Variants in ZFPM2 observed in about 807,000 individuals in gnomAD.
The protein encoded by ZFPM2 is zinc finger protein ZFPM2.
In ZFPM2, 20 loss-of-function variants were observed where a neutral mutation model predicts 98.6. The observed-to-expected ratio is 0.20, with a 90% CI of 0.14 to 0.29. The LOEUF is 0.29. Ranked by LOEUF, ZFPM2 falls within the 10% of genes least tolerant of loss-of-function variation. The pLI, the probability that ZFPM2 is intolerant of heterozygous loss-of-function variation, is 1.00. For synonymous variants in ZFPM2, 518 were observed against 502.7 expected (o/e 1.03, Z -0.41); for missense variants, 1,310 against 1,388.6 (o/e 0.94, Z 0.90).
At chr8:105,719,971 G>A (rs999456844) in intron 5 of ZFPM2, among the ~76,000 whole-genome samples, 1 of 151,872 alleles carries the variant, frequency 6.6e-6, no homozygotes, top group East Asian at 1.9e-4. Flanking sequence ...AGAAATAATG[G>A]TATCAAGTTT....
intron 5 of ZFPM2, among the ~76,000 whole-genome samples, chr8:105,653,955 T>C (rs1204889671): frequency 2.8e-5 from 4 of 142,284 alleles, no homozygotes; most frequent in Non-Finnish European, 6.0e-5. Context: ...TGCTCTACTC[T>C]ACTTAATGGG....
chr8:105,488,902 C>T (rs1184042104), intron 3 of ZFPM2, among the ~76,000 whole-genome samples: 1 of 152,146 alleles, frequency 6.6e-6, no homozygotes, highest in Non-Finnish European at 1.5e-5. Flanking sequence ...TTAAGGAAGA[C>T]TCGATCTGTC....
chr8:105,670,357 G>A (rs532840000), intron 5 of ZFPM2, among the ~76,000 whole-genome samples: 2 of 152,062 alleles, frequency 1.3e-5, no homozygotes, highest in Non-Finnish European at 2.9e-5. Flanking sequence ...TTAGCTGGGC[G>A]CGGTGGCGGG....
At chr8:105,453,619 GGA>G (rs1812529155) in intron 3 of ZFPM2, among the ~76,000 whole-genome samples, 2 of 151,350 alleles carry the variant, frequency 1.3e-5, no homozygotes, top group South Asian at 4.2e-4. Context: ...TTTTTTTTCT[GGA>G]GTTTTTTTTG....
chr8:105,724,798 A>T (rs114516355), intron 5 of ZFPM2, among the ~76,000 whole-genome samples: 2 of 151,790 alleles, frequency 1.3e-5, no homozygotes, highest in Non-Finnish European at 2.9e-5. Flanking sequence ...GTAGTGAATG[A>T]TTAAAGTGTC....
chr8:105,653,854 C>CTTTTTTTTTTTTTTTTTTTTTTT lies in ZFPM2; in HGVS notation c.532+19508_532+19530dup, dbSNP rs60218363. The stretch of plus-strand genomic sequence containing the variant: ...CTTTATACAACAGCTTGTGTGCTAT[C>CTTTTTTTTTTTTTTTTTTTTTTT]TTTTTTTTTTTTTTTTTTTTTTTTT... On this transcript the variant is annotated intron_variant, in intron 5 of 7. Transcript: ENST00000407775. Among the ~76,000 whole-genome samples, 20 of 35,286 alleles carry CTTTTTTTTTTTTTTTTTTTTTTT rather than the reference C, an allele frequency of 5.7e-4. 5 individuals are homozygous for CTTTTTTTTTTTTTTTTTTTTTTT. Among genetic ancestry groups the CTTTTTTTTTTTTTTTTTTTTTTT allele is most frequent in the Non-Finnish European group, 8.8e-4 (18 of 20,362 alleles). The allele number at this position is 35,286 out of a possible 152,430, so 23.1% of individuals were successfully genotyped here.
At chr8:105,571,525 G>T (rs1815353940) in intron 4 of ZFPM2, among the ~76,000 whole-genome samples, 1 of 152,174 alleles carries the variant, frequency 6.6e-6, no homozygotes, top group African/African-American at 2.4e-5. Context: ...TGATAGGTCT[G>T]GCATGCCTTT....
chr8:105,803,114 A>C lies in ZFPM2; in HGVS notation c.3032A>C (p.Glu1011Ala). Residue 1011 changes from glutamate to alanine, a missense_variant, in exon 8 of 8, where the codon GAA becomes GCA. Glu to Ala is a moderately radical substitution (Grantham distance 107, BLOSUM62 -1). Transcript: ENST00000407775. ...GACATCGAGCAAAGCAGAAATGCAGAAAATGAATCTCCTAAAGGCCAGGCT... is the reference window on the plus strand; with the variant it reads ...GACATCGAGCAAAGCAGAAATGCAGCAAATGAATCTCCTAAAGGCCAGGCT... ...NTDIEQSRNA[E>A]NESPKGQASS... 6.2e-7 allele frequency: 1 copy of C among 1,613,968 alleles called. No homozygotes were observed. Among genetic ancestry groups the C allele is most frequent in the Non-Finnish European group, 8.5e-7 (1 of 1,179,874 alleles).
Position 105,656,144 on chromosome 8 carries a change from T to A in ZFPM2, c.532+21787T>A, listed in dbSNP as rs1176732647. On this transcript the variant is annotated intron_variant, in intron 5 of 7. Transcript: ENST00000407775. The stretch of plus-strand genomic sequence containing the variant: ...CCGATTCAAAAGTCAAATTTTTTCA[T>A]AGACAGACAGAAACACACACACACA... Among the ~76,000 whole-genome samples the A allele has an allele frequency of 3.3e-5, 5 of 149,448 alleles. No homozygotes were observed. In the East Asian group the frequency reaches 9.9e-4, roughly 30 times the overall value.
At chr8:105,730,593 G>A (rs1811906251) in intron 5 of ZFPM2, among the ~76,000 whole-genome samples, 1 of 151,600 alleles carries the variant, frequency 6.6e-6, no homozygotes, top group African/African-American at 2.4e-5. Flanking sequence ...GTTCAGAGTG[G>A]ATTGCCACGT....
At chr8:105,718,236 C>T (rs1811570608) in intron 5 of ZFPM2, among the ~76,000 whole-genome samples, 2 of 151,832 alleles carry the variant, frequency 1.3e-5, no homozygotes, top group Non-Finnish European at 2.9e-5. Context: ...GCTCTTATAT[C>T]AAATGGGGAT....
intron 3 of ZFPM2, among the ~76,000 whole-genome samples, chr8:105,506,137 G>T (rs554748308): frequency 4.5e-4 from 68 of 152,240 alleles, no homozygotes; most frequent in African/African-American, 1.6e-3. Flanking sequence ...CATAATTTAA[G>T]ATAGTTTATT....
At chr8:105,442,366 A>C (rs1037515444) in intron 2 of ZFPM2, among the ~76,000 whole-genome samples, 3 of 151,668 alleles carry the variant, frequency 2.0e-5, no homozygotes, top group East Asian at 1.9e-4. Context: ...AAACAAAAAC[A>C]AAAAAACAAC....
intron 1 of ZFPM2, among the ~76,000 whole-genome samples, chr8:105,418,145 C>A (rs1811715199): frequency 6.6e-6 from 1 of 152,068 alleles, no homozygotes; most frequent in Admixed American, 6.6e-5. Context: ...TAGGACATTT[C>A]TAAAAAGTGA....
At chr8:105,767,369 C>G (rs1563555111) in intron 5 of ZFPM2, among the ~76,000 whole-genome samples, 2 of 151,790 alleles carry the variant, frequency 1.3e-5, no homozygotes, top group Non-Finnish European at 2.9e-5. Context: ...AAATAAAAGG[C>G]TCAGGATTGG....
At chr8:105,598,811 T>C (rs1470209416) in intron 4 of ZFPM2, among the ~76,000 whole-genome samples, 3 of 152,108 alleles carry the variant, frequency 2.0e-5, no homozygotes, top group Non-Finnish European at 4.4e-5. Flanking sequence ...AGAGCCTTCT[T>C]ACTTCTAGCA....
rs1563574497 is a variant in ZFPM2, at chr8:105,802,466, T to C, written c.2384T>C (p.Val795Ala). The C allele has an allele frequency of 6.2e-7, 1 of 1,613,558 alleles. No homozygotes were observed. Reference protein sequence around the residue: ...HPRCDIFPGIVSKHLETSLTI... With the variant: ...HPRCDIFPGIASKHLETSLTI... ...AGATGTGATATCTTTCCAGGAATTG[T>C]CTCTAAACACTTGGAAACTTCTCTG... Residue 795 changes from valine to alanine, a missense_variant, in exon 8 of 8, where the codon GTC becomes GCC. Transcript: ENST00000407775.
chr8:105,402,460 G>A (rs1811358951), intron 1 of ZFPM2, among the ~76,000 whole-genome samples: 1 of 151,716 alleles, frequency 6.6e-6, no homozygotes. Context: ...TTGCCCAATT[G>A]GTTTAAAAAA....
At chr8:105,591,839 C>T (rs1251865226) in intron 4 of ZFPM2, among the ~76,000 whole-genome samples, 1 of 151,982 alleles carries the variant, frequency 6.6e-6, no homozygotes, top group East Asian at 1.9e-4. Flanking sequence ...AAGGAGATGG[C>T]AAATTTGGTA....
Sources: gnomAD v4.1 joint callset for allele counts (sites outside exome capture counted in the v4.1 genomes callset) on GRCh38, gnomAD v4.1.1 for gene constraint, MANE v1.5 for transcripts, NCBI Gene and HGNC (gene_info 2026-07-23, HGNC 2026-07-21) for gene names.